Variants in UGT1A10 observed in about 807,000 individuals in gnomAD.
The protein encoded by UGT1A10 is UDP-glucuronosyltransferase 1A10.
In UGT1A10, 49 loss-of-function variants were observed where a neutral mutation model predicts 45.8. The ratio of observed to expected loss-of-function variants is 1.07; its 90% CI spans 0.85 to 1.36. UGT1A10 has a LOEUF of 1.36. Ranked by LOEUF, UGT1A10 falls within the 40% of genes most tolerant of loss-of-function variation. The pLI is 0.00. For missense variants in UGT1A10, 745 were observed against 668.6 expected, an observed-to-expected ratio of 1.11 and a Z score of -1.26; for synonymous variants, 284 against 249.7, an observed-to-expected ratio of 1.14 and a Z score of -1.29.
chr2:233,754,139 A>G (rs1695404241), intron 1 of UGT1A10, among the ~76,000 whole-genome samples: 1 of 152,234 alleles, frequency 6.6e-6, no homozygotes, highest in South Asian at 2.1e-4. Flanking sequence ...ATTAAAAGCC[A>G]TCATTAAATT....
At position 233,682,011 on chromosome 2, in the gene UGT1A10, C is replaced by T; in HGVS notation, c.855+44634C>T. 7 of 1,614,162 alleles carry T rather than the reference C, an allele frequency of 4.3e-6. No individual in the cohort carries two copies. Among genetic ancestry groups the T allele is most frequent in the Non-Finnish European group, 5.9e-6 (7 of 1,180,016 alleles). ...CTGCTGACCTGTGGCTTTGCCAAGG[C>T]AGGGAAGCTGCTGGTAGTGCCCATG... On this transcript the variant is annotated intron_variant, in intron 1 of 4. Coordinates refer to ENST00000344644, the MANE Select transcript of UGT1A10 (RefSeq NM_019075.4).
At chr2:233,677,925 C>A (rs548235410) in intron 1 of UGT1A10, among the ~76,000 whole-genome samples, 1 of 152,070 alleles carries the variant, frequency 6.6e-6, no homozygotes, top group South Asian at 2.1e-4. Flanking sequence ...AACCTAGGTG[C>A]CCGTCAACAG....
Position 233,636,986 on chromosome 2 carries a change from T to G in UGT1A10, c.464T>G (p.Leu155Ter). The change falls in exon 1 of 5, where the codon TTA (leucine) becomes TGA (stop). Residue 155 changes from leucine to a stop codon, truncating the protein, a stop_gained. Transcript: ENST00000344644. LOFTEE classifies it high-confidence loss of function. ...CTGGATCCTTTTGATACCTGTGGCTTAATTGTTGCTAAATATTTCTCCCTC... is the reference window on the plus strand; with the variant it reads ...CTGGATCCTTTTGATACCTGTGGCTGAATTGTTGCTAAATATTTCTCCCTC... ...VFLDPFDTCG[L>*]IVAKYFSLPS... 1 of 1,614,180 alleles carries G rather than the reference T, an allele frequency of 6.2e-7. No individual in the cohort carries two copies. The highest frequency in any genetic ancestry group is 8.5e-7 in the Non-Finnish European group (1 of 1,180,030).
chr2:233,664,128 C>T (rs1311857291), intron 1 of UGT1A10, among the ~76,000 whole-genome samples: 1 of 152,138 alleles, frequency 6.6e-6, no homozygotes, highest in South Asian at 2.1e-4. Context: ...CAAGGGTGAC[C>T]TTTGCTCAAG....
intron 1 of UGT1A10, chr2:233,692,906 T>G (rs1175871462): frequency 2.6e-6 from 4 of 1,548,942 alleles, no homozygotes; most frequent in Non-Finnish European, 3.5e-6. Context: ...AGACAGGACC[T>G]GTGAAAAGCA....
chr2:233,711,999 G>A (rs746507163), intron 1 of UGT1A10, among the ~76,000 whole-genome samples: 2 of 152,198 alleles, frequency 1.3e-5, no homozygotes, highest in Non-Finnish European at 2.9e-5. Context: ...ATTCTGTTCT[G>A]GAGGAACCAT....
intron 1 of UGT1A10, chr2:233,756,153 G>A (rs1213505703): frequency 6.6e-6 from 1 of 152,140 alleles, no homozygotes; most frequent in Non-Finnish European, 1.5e-5. Flanking sequence ...GGGATCCCTA[G>A]GATTTCCTGG....
chr2:233,689,970 C>T, intron 1 of UGT1A10: 2 of 455,400 alleles, frequency 4.4e-6, no homozygotes, highest in South Asian at 1.6e-5. Context: ...TTGGAGGAAC[C>T]CACAGGCCCC....
chr2:233,722,361 T>C (rs28898615), intron 1 of UGT1A10, among the ~76,000 whole-genome samples: 12,155 of 152,314 alleles, frequency 0.08, 624 homozygotes, highest in East Asian at 0.2. Flanking sequence ...TATACAAGAC[T>C]AAAGTTGAAA....
intron 1 of UGT1A10, among the ~76,000 whole-genome samples, chr2:233,730,769 G>A (rs1017824034): frequency 2.0e-5 from 3 of 152,108 alleles, no homozygotes; most frequent in Non-Finnish European, 4.4e-5. Context: ...GAATCTATAA[G>A]CCCAGTGAAG....
chr2:233,636,827 C>A lies in UGT1A10; in HGVS notation c.305C>A (p.Ala102Glu), dbSNP rs45538634. 3.7e-6 allele frequency: 6 copies of A among 1,614,200 alleles called. No homozygotes were observed. In the Admixed American group the frequency reaches 1.0e-4, roughly 27 times the overall value. Residue 102 changes from alanine to glutamate, a missense_variant, in exon 1 of 5, where the codon GCA (alanine) becomes GAA (glutamate). Physicochemically the swap from Ala to Glu is moderately radical, Grantham distance 107. Coordinates refer to ENST00000344644, the MANE Select transcript of UGT1A10 (RefSeq NM_019075.4). ...GCCCATGCTCAATGGAAAGCACAGG[C>A]ACAAAGTATATTTTCTCTATTAATG... ...VFAHAQWKAQ[A>E]QSIFSLLMSS...
chr2:233,763,565 C>A (rs1354806563), intron 1 of UGT1A10, among the ~76,000 whole-genome samples: 1 of 152,164 alleles, frequency 6.6e-6, no homozygotes, highest in Admixed American at 6.5e-5. Context: ...AGTTACTGTT[C>A]TTATTTTCTC....
rs548037824 is a variant in UGT1A10, at chr2:233,759,409, G to A, written c.856-7625G>A. ...ACTCAGAGTAACCGTGTGACCTGTAGTAAGCAAAGGGCCAGTTGGCTCTAT... is the reference window on the plus strand; with the variant it reads ...ACTCAGAGTAACCGTGTGACCTGTAATAAGCAAAGGGCCAGTTGGCTCTAT... On this transcript the variant is annotated intron_variant, in intron 1 of 4. Transcript: ENST00000344644. 7.2e-5 allele frequency among the ~76,000 whole-genome samples: 11 copies of A among 152,280 alleles called. 1 individual carries two copies. The South Asian group carries it at 2.3e-3, about 32-fold the overall frequency.
intron 1 of UGT1A10, among the ~76,000 whole-genome samples, chr2:233,661,324 T>G (rs2125488504): frequency 6.6e-6 from 1 of 152,256 alleles, no homozygotes; most frequent in Non-Finnish European, 1.5e-5. Context: ...CACACCATGG[T>G]GCTGTCATTA....
rs1226545500 is a variant in UGT1A10 at position 233,773,111 on chromosome 2, T to C, written c.*552T>C. On this transcript the variant is annotated 3_prime_UTR_variant, in exon 5 of 5. Transcript: ENST00000344644. ...GCACTGAGAACAGCATATGATTTCT[T>C]GCTTTGGGGAAAAAGAATGATGCTA... The C allele has an allele frequency of 6.4e-6, 1 of 155,166 alleles. No individual in the cohort carries two copies. Among genetic ancestry groups the C allele is most frequent in the Non-Finnish European group, 1.4e-5 (1 of 69,776 alleles). 9.6% of individuals were successfully genotyped at this position (155,166 alleles called of 1,614,324 possible).
In UGT1A10 at chr2:233,752,049, A is replaced by C. The variant is rs1694880379; in HGVS notation, c.856-14985A>C. On this transcript the variant is annotated intron_variant, in intron 1 of 4. Transcript: ENST00000344644. ...TCCTAGAAAGGTAAGCTGTTGTGTG[A>C]ATGATTTCCCGAGATGGGGAAGTCT... Among the ~76,000 whole-genome samples the C allele has an allele frequency of 2.0e-5, 3 of 152,224 alleles. 1 individual carries two copies. The highest frequency in any genetic ancestry group is 7.2e-5 in the African/African-American group (3 of 41,440).
chr2:233,721,754 C>A, intron 1 of UGT1A10: 1 of 457,794 alleles, frequency 2.2e-6, no homozygotes, highest in South Asian at 1.6e-5. Context: ...GAATCTACAT[C>A]TAAATTGTTA....
At position 233,729,391 on chromosome 2, in the gene UGT1A10, T is replaced by C. The variant is rs1264943751; in HGVS notation, c.856-37643T>C. On this transcript the variant is annotated intron_variant, in intron 1 of 4. Transcript: ENST00000344644. ...TGCCATTTCGTGGACCCAGGATGAA[T>C]TTGATCGCCATGTGCTGGGCCACAC... 6.2e-7 allele frequency: 1 copy of C among 1,613,898 alleles called. No individual in the cohort carries two copies. Among genetic ancestry groups the C allele is most frequent in the Non-Finnish European group, 8.5e-7 (1 of 1,179,836 alleles).
chr2:233,696,178 A>G (rs2075330295), intron 1 of UGT1A10, among the ~76,000 whole-genome samples: 1 of 152,242 alleles, frequency 6.6e-6, no homozygotes. Flanking sequence ...ATATATATTG[A>G]AGAGCTATCT....
Sources: allele counts gnomAD v4.1 joint callset (sites outside exome capture counted in the v4.1 genomes callset), GRCh38; gene constraint gnomAD v4.1.1; transcripts MANE v1.5; gene names NCBI Gene and HGNC (gene_info 2026-07-23, HGNC 2026-07-21).